COL21A1: variants seen among roughly 807,000 people sequenced by gnomAD.
COL21A1 encodes collagen type XXI alpha 1 chain, also known as collagen alpha-1(XXI) chain.
Under a neutral mutation model 137.9 loss-of-function variants are expected in COL21A1, and 149 were observed. The observed-to-expected ratio is 1.08, with a 90% CI of 0.95 to 1.24. COL21A1 has a LOEUF of 1.24. COL21A1 is among the 50% of genes most tolerant of loss of function. COL21A1 has a pLI of 0.00. For synonymous variants in COL21A1, 456 were observed against 391.5 expected (o/e 1.16, Z -1.95); for missense variants, 1,167 against 1,158.4 (o/e 1.01, Z -0.11).
intron 1 of COL21A1, among the ~76,000 whole-genome samples, chr6:56,235,184 C>A (rs1191063487): frequency 6.6e-6 from 1 of 151,676 alleles, no homozygotes; most frequent in Admixed American, 6.6e-5. Flanking sequence ...TCTGTATATG[C>A]AATAAAGAAA....
At chr6:56,101,589 AAT>A in intron 16 of COL21A1, 64 bp from the exon 17 acceptor site, 2 of 1,090,734 alleles carry the variant, frequency 1.8e-6, no homozygotes, top group Non-Finnish European at 2.7e-6. Context: ...CCAAAATAAC[AAT>A]ATATAACATT....
chr6:56,249,229 G>A (rs1782789979), upstream of COL21A1, among the ~76,000 whole-genome samples: 1 of 152,154 alleles, frequency 6.6e-6, no homozygotes, highest in African/African-American at 2.4e-5. Flanking sequence ...GTGTTAGGGA[G>A]GATATGGAGA....
At chr6:56,177,155 T>A (rs1187222662) in intron 3 of COL21A1, among the ~76,000 whole-genome samples, 1 of 152,050 alleles carries the variant, frequency 6.6e-6, no homozygotes, top group African/African-American at 2.4e-5. Context: ...GCAGCACAAG[T>A]CTTTTACACA....
rs570332474 is a variant in COL21A1 at position 56,123,632 on chromosome 6, T to C, written c.1758+430A>G. On this transcript the variant is annotated intron_variant, in intron 16 of 29. Transcript: ENST00000244728. ...CCAAGGGCATGTGCCCTTGAGTTTT[T>C]TCATAGACAATGAATTATTGACACT... Among the ~76,000 whole-genome samples, 3 of 152,298 alleles carry C rather than the reference T, an allele frequency of 2.0e-5. No homozygotes were observed. The East Asian group carries it at 5.8e-4, about 29-fold the overall frequency.
intron 16 of COL21A1, among the ~76,000 whole-genome samples, 165 bp from the exon 17 acceptor site, chr6:56,101,690 T>G (rs1770471274): frequency 1.3e-5 from 2 of 152,172 alleles, no homozygotes; most frequent in South Asian, 4.2e-4. Flanking sequence ...AAATAACTTT[T>G]TCAGAAATTC....
chr6:56,107,918 A>G (rs1001504937), intron 16 of COL21A1, among the ~76,000 whole-genome samples: 14 of 152,060 alleles, frequency 9.2e-5, no homozygotes, highest in African/African-American at 3.4e-4. Flanking sequence ...CTGATAAGGT[A>G]GAAATAAACA....
intron 17 of COL21A1, among the ~76,000 whole-genome samples, chr6:56,080,912 C>T (rs529367024): frequency 9.2e-5 from 14 of 151,828 alleles, no homozygotes; most frequent in African/African-American, 3.4e-4. Flanking sequence ...ATAGTAGAAG[C>T]CATAGGAAGC....
chr6:56,094,074 A>G (rs1048146191), intron 17 of COL21A1, among the ~76,000 whole-genome samples: 2 of 152,276 alleles, frequency 1.3e-5, no homozygotes, highest in African/African-American at 4.8e-5. Context: ...CAAATCACCA[A>G]GTGCTGGCTC....
intron 1 of COL21A1, among the ~76,000 whole-genome samples, chr6:56,189,670 G>C (rs530274809): frequency 1.3e-5 from 2 of 152,226 alleles, no homozygotes; most frequent in East Asian, 1.9e-4. Context: ...ATAATCGTCA[G>C]ATTCACCAAG....
At chr6:56,108,799 C>A (rs1771168013) in intron 16 of COL21A1, among the ~76,000 whole-genome samples, 1 of 151,762 alleles carries the variant, frequency 6.6e-6, no homozygotes, top group East Asian at 1.9e-4. Context: ...TTCTCATATG[C>A]ACAGGGAACA....
chr6:56,308,694 C>T (rs1003777040), intron 1 of COL21A1, among the ~76,000 whole-genome samples: 4 of 151,254 alleles, frequency 2.6e-5, no homozygotes, highest in African/African-American at 4.8e-5. Context: ...TATTGTACAT[C>T]AAAATTTTTG....
intron 1 of COL21A1, among the ~76,000 whole-genome samples, chr6:56,320,495 C>T (rs1292318430): frequency 6.8e-6 from 1 of 148,084 alleles, no homozygotes; most frequent in Admixed American, 6.9e-5. Context: ...CCTATGATAA[C>T]CCCCAAGGTC....
At chr6:56,097,638 G>A (rs1769465343) in intron 17 of COL21A1, among the ~76,000 whole-genome samples, 1 of 149,984 alleles carries the variant, frequency 6.7e-6, no homozygotes, top group African/African-American at 2.5e-5. Flanking sequence ...TGAATAAAGT[G>A]GGAGCAGGCA....
chr6:56,146,723 A>C (rs1774865969), intron 10 of COL21A1, among the ~76,000 whole-genome samples: 1 of 152,176 alleles, frequency 6.6e-6, no homozygotes, highest in Non-Finnish European at 1.5e-5. Flanking sequence ...CAAAAGAGAG[A>C]GAATAAGCAG....
intron 7 of COL21A1, 82 bp downstream of exon 7, chr6:56,166,824 A>G: frequency 1.0e-6 from 1 of 994,208 alleles, no homozygotes; most frequent in South Asian, 1.4e-5. Context: ...TTAAATTAAT[A>G]CTCAGATAGT....
Position 56,176,648 on chromosome 6 carries a change from G to GAAGA in COL21A1, c.640+2926_640+2929dup, listed in dbSNP as rs1374221808. 1.9e-3 allele frequency among the ~76,000 whole-genome samples: 278 copies of GAAGA among 148,858 alleles called. 2 individuals are homozygous for GAAGA. The highest frequency in any genetic ancestry group is 4.3e-4 in the Non-Finnish European group (29 of 67,220). ...GGAAAAGAGGGAGGGGGGGAAGGAG[G>GAAGA]AAGAAAGGAAGGAAGGAAGAGAAGG... is the stretch of plus-strand genomic sequence containing the variant. On this transcript the variant is annotated intron_variant, in intron 3 of 29. Transcript: ENST00000244728.
chr6:56,236,740 A>G (rs896762325), intron 1 of COL21A1, among the ~76,000 whole-genome samples: 11 of 152,086 alleles, frequency 7.2e-5, no homozygotes, highest in Non-Finnish European at 1.2e-4. Flanking sequence ...CAACTGTATC[A>G]TAAGCAATCT....
At position 56,090,497 on chromosome 6, in the gene COL21A1, T is replaced by C. The variant is rs140126584; in HGVS notation, c.1812+10975A>G. ...GAGGTCAAAATTAATGACACAATAT[T>C]TTCACAGTCACTACATTGCCAACTG... On this transcript the variant is annotated intron_variant, in intron 17 of 29. Transcript: ENST00000244728. 4.6e-3 allele frequency among the ~76,000 whole-genome samples: 704 copies of C among 152,256 alleles called. 4 individuals are homozygous for C. Among genetic ancestry groups the C allele is most frequent in the Middle Eastern group, 6.8e-3 (2 of 294 alleles).
intron 1 of COL21A1, among the ~76,000 whole-genome samples, chr6:56,254,967 C>G (rs551510821): frequency 1.3e-4 from 20 of 152,252 alleles, no homozygotes; most frequent in Non-Finnish European, 2.1e-4. Flanking sequence ...TATGATCCAA[C>G]TCACATTATT....
Sources: allele counts gnomAD v4.1 joint callset (sites outside exome capture counted in the v4.1 genomes callset), GRCh38; gene constraint gnomAD v4.1.1; transcripts MANE v1.5; gene names NCBI Gene and HGNC (gene_info 2026-07-23, HGNC 2026-07-21).